The following RORB variants were observed in gnomAD, a reference collection of about 807,000 sequenced individuals.
The protein encoded by RORB is RAR related orphan receptor B.
Under a neutral mutation model 59.1 loss-of-function variants are expected in RORB, and 6 were observed. The ratio of observed to expected loss-of-function variants is 0.10; its 90% CI spans 0.06 to 0.20. RORB has a LOEUF of 0.20. Among genes scored for constraint, RORB ranks in the 10% least tolerant of loss-of-function variants. The pLI is 1.00. For missense variants in RORB, 320 were observed against 560.5 expected, an observed-to-expected ratio of 0.57 and a Z score of 4.33; for synonymous variants, 215 against 204.5, an observed-to-expected ratio of 1.05 and a Z score of -0.44.
At chr9:74,580,380 G>A (rs113309529) in intron 1 of RORB, among the ~76,000 whole-genome samples, 1 of 152,206 alleles carries the variant, frequency 6.6e-6, no homozygotes, top group African/African-American at 2.4e-5. Context: ...GCCAAGATTT[G>A]CATGGATACT....
rs142579348 is a variant in RORB, at chr9:74,605,995, C to T, written c.8-24287C>T. Among the ~76,000 whole-genome samples, 39 of 152,292 alleles carry T rather than the reference C, an allele frequency of 2.6e-4. No homozygotes were observed. In the East Asian group the frequency reaches 4.1e-3, roughly 16 times the overall value. On this transcript the variant is annotated intron_variant, in intron 1 of 9. Coordinates refer to ENST00000376896, the MANE Select transcript of RORB (RefSeq NM_006914.4). ...AGCAGGAGGTGGTACTGATGCTACT[C>T]ATTGGAGGAACACATGTGGAGAATC...
chr9:74,571,384 T>C (rs10735634), intron 1 of RORB, among the ~76,000 whole-genome samples: 144,362 of 150,930 alleles, frequency 0.96, 69,387 homozygotes, highest in East Asian at 1. Flanking sequence ...TTCACTACAG[T>C]ACTTGCTACT....
At chr9:74,617,179 G>A (rs1823327646) in intron 1 of RORB, among the ~76,000 whole-genome samples, 1 of 151,346 alleles carries the variant, frequency 6.6e-6, no homozygotes, top group Non-Finnish European at 1.5e-5. Context: ...AATTTACATG[G>A]TAGCATCAAA....
intron 3 of RORB, among the ~76,000 whole-genome samples, chr9:74,635,347 C>A (rs1356310947): frequency 3.3e-5 from 5 of 152,174 alleles, no homozygotes; most frequent in Admixed American, 1.3e-4. Flanking sequence ...TAGGTGATGT[C>A]TTCCTCAGAA....
chr9:74,597,204 T>C (rs1822981801), intron 1 of RORB, among the ~76,000 whole-genome samples: 2 of 152,320 alleles, frequency 1.3e-5, no homozygotes, highest in South Asian at 4.1e-4. Flanking sequence ...GTAGGAGCAA[T>C]ACCAGATCAT....
chr9:74,676,553 C>T (rs1172874017), intron 9 of RORB, among the ~76,000 whole-genome samples: 3 of 152,222 alleles, frequency 2.0e-5, no homozygotes, highest in Non-Finnish European at 4.4e-5. Flanking sequence ...GCTTGTGCCT[C>T]ACCATGTGCT....
chr9:74,499,579 C>T (rs866942895), intron 1 of RORB, among the ~76,000 whole-genome samples: 1 of 152,154 alleles, frequency 6.6e-6, no homozygotes, highest in Non-Finnish European at 1.5e-5. Context: ...TGTGTGTGCG[C>T]GCTGGCTCCA....
At chr9:74,543,579 T>A (rs1368693913) in intron 1 of RORB, among the ~76,000 whole-genome samples, 1 of 151,866 alleles carries the variant, frequency 6.6e-6, no homozygotes, top group African/African-American at 2.4e-5. Context: ...TCTAGGTGAA[T>A]CCAGAAGTTC....
chr9:74,561,777 G>A (rs954098174), intron 1 of RORB, among the ~76,000 whole-genome samples: 6 of 152,096 alleles, frequency 3.9e-5, no homozygotes, highest in Non-Finnish European at 1.5e-5. Context: ...AATTTCACCA[G>A]TTTTTGCTCT....
chr9:74,664,635 T>C (rs1400826542), intron 6 of RORB, among the ~76,000 whole-genome samples: 6 of 152,186 alleles, frequency 3.9e-5, no homozygotes, highest in East Asian at 1.9e-4. Context: ...ATCCTCCCCA[T>C]GTATAAGCCT....
At chr9:74,611,175 G>T (rs1823226603) in intron 1 of RORB, among the ~76,000 whole-genome samples, 1 of 152,092 alleles carries the variant, frequency 6.6e-6, no homozygotes, top group South Asian at 2.1e-4. Flanking sequence ...GGTCAAGGGA[G>T]AGCTACCCAG....
At chr9:74,520,975 T>C (rs1339753906) in intron 1 of RORB, among the ~76,000 whole-genome samples, 2 of 151,940 alleles carry the variant, frequency 1.3e-5, no homozygotes, top group Admixed American at 1.3e-4. Context: ...CATCTTCATG[T>C]GGCTAACCCT....
At chr9:74,534,675 A>G (rs1826294876) in intron 1 of RORB, among the ~76,000 whole-genome samples, 1 of 151,970 alleles carries the variant, frequency 6.6e-6, no homozygotes, top group Non-Finnish European at 1.5e-5. Flanking sequence ...CAGTGCCACC[A>G]TATATAAATT....
chr9:74,528,325 A>G (rs1359609996), intron 1 of RORB, among the ~76,000 whole-genome samples: 1 of 152,054 alleles, frequency 6.6e-6, no homozygotes, highest in Non-Finnish European at 1.5e-5. Context: ...TGCTCCCTGC[A>G]TATTTGCTTT....
chr9:74,616,468 A>AG lies in RORB; in HGVS notation c.8-13813dup, dbSNP rs565832418. 1.7e-3 allele frequency among the ~76,000 whole-genome samples: 265 copies of AG among 152,336 alleles called. 2 individuals carry two copies. Among genetic ancestry groups the AG allele is most frequent in the African/African-American group, 5.7e-3 (235 of 41,588 alleles). The stretch of plus-strand genomic sequence containing the variant: ...TGGTGCTTGTATTTGTAGGAAAAAA[A>AG]GTAGATACTGTTTCTGTGCAATTAC... On this transcript the variant is annotated intron_variant, in intron 1 of 9. Coordinates refer to ENST00000376896, the MANE Select transcript of RORB (RefSeq NM_006914.4).
At chr9:74,615,307 G>A (rs62569143) in intron 1 of RORB, among the ~76,000 whole-genome samples, 47,446 of 152,084 alleles carry the variant, frequency 0.31, 7,564 homozygotes, top group Non-Finnish European at 0.35. Flanking sequence ...TAATTTGGGG[G>A]TGGGAACATC....
At chr9:74,682,545 G>A (rs549678739) in intron 9 of RORB, among the ~76,000 whole-genome samples, 9 of 152,186 alleles carry the variant, frequency 5.9e-5, no homozygotes, top group Admixed American at 2.6e-4. Flanking sequence ...CAAAGTCCAT[G>A]TTCTTTATCA....
At chr9:74,663,757 G>C (rs1824225345) in intron 6 of RORB, among the ~76,000 whole-genome samples, 1 of 152,024 alleles carries the variant, frequency 6.6e-6, no homozygotes, top group African/African-American at 2.4e-5. Flanking sequence ...TGACAGCCTG[G>C]AACTGGGCTA....
Position 74,594,163 on chromosome 9 carries a change from G to T in RORB, c.8-36119G>T, listed in dbSNP as rs537645579. Among the ~76,000 whole-genome samples, 7 of 152,266 alleles carry T rather than the reference G, an allele frequency of 4.6e-5. No individual in the cohort carries two copies. The South Asian group carries it at 8.3e-4, about 18-fold the overall frequency. On this transcript the variant is annotated intron_variant, in intron 1 of 9. Transcript: ENST00000376896. Reference sequence around the variant, plus strand: ...AAGAATAAAACTTACTTAGCATAATGTCAATTGACTGAAATAAGGAACATT... The same window carrying T: ...AAGAATAAAACTTACTTAGCATAATTTCAATTGACTGAAATAAGGAACATT...
Sources: allele counts gnomAD v4.1 joint callset (sites outside exome capture counted in the v4.1 genomes callset), GRCh38; gene constraint gnomAD v4.1.1; transcripts MANE v1.5; gene names NCBI Gene and HGNC (gene_info 2026-07-23, HGNC 2026-07-21).